The following ANK2 variants were observed in gnomAD, a reference collection of about 807,000 sequenced individuals.
ANK2 encodes the protein ankyrin-2.
Under a neutral mutation model 360.5 loss-of-function variants are expected in ANK2, and 83 were observed. That is an observed-to-expected ratio of 0.23 (90% CI 0.19 to 0.28). The LOEUF is 0.28. ANK2 is among the 10% of genes least tolerant of loss of function. The pLI is 1.00. For missense variants in ANK2, 4,201 were observed against 4,795.7 expected, an observed-to-expected ratio of 0.88 and a Z score of 3.66; for synonymous variants, 1,740 against 1,759.5, an observed-to-expected ratio of 0.99 and a Z score of 0.28.
the ANK2 span, among the ~76,000 whole-genome samples, chr4:112,795,327 C>G: frequency 6.6e-6 from 1 of 152,154 alleles, no homozygotes; most frequent in African/African-American, 2.4e-5. Context: ...ATGATGATAA[C>G]TAGCCCTTCG....
the ANK2 span, among the ~76,000 whole-genome samples, chr4:112,712,037 CAT>C: frequency 2.0e-5 from 3 of 148,372 alleles, no homozygotes; most frequent in Non-Finnish European, 4.5e-5. Flanking sequence ...ATGTTACATA[CAT>C]ACACACACAC....
chr4:113,373,087 T>C lies in ANK2; in HGVS notation c.11611-3T>C. The C allele has an allele frequency of 6.2e-7, 1 of 1,613,656 alleles. No individual in the cohort carries two copies. Among genetic ancestry groups the C allele is most frequent in the South Asian group, 1.1e-5 (1 of 91,064 alleles). ...CAGTGACCCTTTTCTCTCAACTGTT[T>C]AGGGAGACGATATGCCTGAAATACC... On this transcript the variant is annotated splice_region_variant and splice_polypyrimidine_tract_variant and intron_variant, in intron 43 of 45. Coordinates refer to ENST00000357077, the MANE Select transcript of ANK2 (RefSeq NM_001148.6).
chr4:113,110,747 A>G (rs193025757), intron 1 of ANK2, among the ~76,000 whole-genome samples: 12 of 152,254 alleles, frequency 7.9e-5, no homozygotes, highest in Admixed American at 2.0e-4. Context: ...TAAGTATTCT[A>G]TATTTATCGT....
In ANK2 at chr4:112,983,997, G is replaced by C. The variant is rs142500839; in HGVS notation, c.21+79483G>C. 9.5e-4 allele frequency among the ~76,000 whole-genome samples: 145 copies of C among 152,268 alleles called. 4 individuals are homozygous for C. Among genetic ancestry groups the C allele is most frequent in the African/African-American group, 3.1e-3 (129 of 41,546 alleles). ...TATCTGTATTTTCATCATTCTTGACGAAATAATAATGATAATTTGACATCC... is the reference window on the plus strand; with the variant it reads ...TATCTGTATTTTCATCATTCTTGACCAAATAATAATGATAATTTGACATCC... On this transcript the variant is annotated intron_variant, in intron 2 of 30. Transcript: ENST00000503271.
At chr4:112,829,613 A>G (rs1420805848) in intron 1 of ANK2, among the ~76,000 whole-genome samples, 1 of 152,092 alleles carries the variant, frequency 6.6e-6, no homozygotes, top group East Asian at 1.9e-4. Context: ...AGATATGCAA[A>G]TCAAAACCAC....
chr4:112,738,454 A>G, the ANK2 span, among the ~76,000 whole-genome samples: 1 of 150,990 alleles, frequency 6.6e-6, no homozygotes, highest in South Asian at 2.1e-4. Flanking sequence ...ATCCTTGCCC[A>G]GGTGGAGTAT....
chr4:113,042,458 A>G (rs972007720), intron 2 of ANK2, among the ~76,000 whole-genome samples: 2 of 152,072 alleles, frequency 1.3e-5, no homozygotes, highest in African/African-American at 2.4e-5. Context: ...TGTTTGTTCT[A>G]TTTCTCTAGA....
At chr4:113,268,774 TGGA>T (rs1172421244) in intron 14 of ANK2, among the ~76,000 whole-genome samples, 1 of 152,288 alleles carries the variant, frequency 6.6e-6, no homozygotes, top group East Asian at 1.9e-4. Flanking sequence ...AAATGAGTTA[TGGA>T]GGAGTCTCTC....
chr4:112,898,311 T>C (rs2082306484), intron 1 of ANK2, among the ~76,000 whole-genome samples: 1 of 152,234 alleles, frequency 6.6e-6, no homozygotes, highest in Non-Finnish European at 1.5e-5. Context: ...CAAATTTATA[T>C]AGTCGTGTCT....
intron 2 of ANK2, among the ~76,000 whole-genome samples, chr4:112,960,705 A>G (rs2034340813): frequency 6.6e-6 from 1 of 152,172 alleles, no homozygotes; most frequent in South Asian, 2.1e-4. Context: ...ATAATCCTTA[A>G]CATTAACTAT....
intron 23 of ANK2, among the ~76,000 whole-genome samples, chr4:113,303,791 C>A (rs2076028936): frequency 6.6e-6 from 1 of 152,094 alleles, no homozygotes; most frequent in South Asian, 2.1e-4. Flanking sequence ...TGAAAAATTA[C>A]CACCATATAT....
chr4:112,833,746 G>C (rs554781924), intron 1 of ANK2, among the ~76,000 whole-genome samples: 1 of 152,108 alleles, frequency 6.6e-6, no homozygotes, highest in African/African-American at 2.4e-5. Flanking sequence ...CTCGTGATCC[G>C]CCCGCCTCGG....
At chr4:113,214,716 A>T (rs2099066845) in intron 4 of ANK2, among the ~76,000 whole-genome samples, 1 of 152,164 alleles carries the variant, frequency 6.6e-6, no homozygotes, top group Non-Finnish European at 1.5e-5. Context: ...ATCTGAAATT[A>T]GACTCGTGAG....
the ANK2 span, among the ~76,000 whole-genome samples, chr4:112,730,636 C>CAAA: frequency 4.1e-3 from 234 of 57,376 alleles, 1 homozygote; most frequent in African/African-American, 6.7e-3. Flanking sequence ...GACTCCATCT[C>CAAA]AAAAAAAAAA....
chr4:113,011,171 TTCGCTAATG>T (rs1274782054), intron 2 of ANK2, among the ~76,000 whole-genome samples: 2 of 152,152 alleles, frequency 1.3e-5, no homozygotes, highest in Non-Finnish European at 2.9e-5. Context: ...CATAATCAAT[TTCGCTAATG>T]TCACATTTTT....
At chr4:113,206,395 C>T (rs2098948667) in intron 4 of ANK2, among the ~76,000 whole-genome samples, 1 of 152,176 alleles carries the variant, frequency 6.6e-6, no homozygotes, top group Non-Finnish European at 1.5e-5. Context: ...CCAGCTCCGT[C>T]CATGTTCCCG....
At chr4:113,200,140 T>C (rs915961725) in intron 4 of ANK2, among the ~76,000 whole-genome samples, 5 of 152,338 alleles carry the variant, frequency 3.3e-5, no homozygotes, top group African/African-American at 4.8e-5. Flanking sequence ...TTTTTTTCCT[T>C]ACAACTCAAA....
the ANK2 span, among the ~76,000 whole-genome samples, chr4:112,731,091 G>A: frequency 6.6e-6 from 1 of 151,466 alleles, no homozygotes; most frequent in East Asian, 1.9e-4. Context: ...GCAGTGGGCC[G>A]AGTTACACCA....
At chr4:113,378,452 A>G (rs2097041453) in intron 45 of ANK2, among the ~76,000 whole-genome samples, 1 of 152,246 alleles carries the variant, frequency 6.6e-6, no homozygotes, top group Non-Finnish European at 1.5e-5. Flanking sequence ...CAAGCCATCA[A>G]CTTAGTTGAA....
Sources: gnomAD v4.1 joint callset for allele counts (sites outside exome capture counted in the v4.1 genomes callset) on GRCh38, gnomAD v4.1.1 for gene constraint, MANE v1.5 for transcripts, NCBI Gene and HGNC (gene_info 2026-07-23, HGNC 2026-07-21) for gene names.